The following PLPBP variants were observed in gnomAD, a reference collection of about 807,000 sequenced individuals.
The protein encoded by PLPBP is pyridoxal phosphate binding protein, also known as pyridoxal phosphate homeostasis protein.
In PLPBP, 21 loss-of-function variants were observed where a neutral mutation model predicts 31.2. That is an observed-to-expected ratio of 0.67 (90% CI 0.48 to 0.97). The LOEUF is 0.97. PLPBP is among the 50% of genes least tolerant of loss of function. PLPBP has a pLI of 0.00. For missense variants in PLPBP, 308 were observed against 354.4 expected (o/e 0.87, Z 1.05); for synonymous variants, 124 against 135.6 (o/e 0.91, Z 0.59).
chr8:37,773,809 A>G (rs2129804202), intron 5 of PLPBP, among the ~76,000 whole-genome samples: 1 of 152,226 alleles, frequency 6.6e-6, no homozygotes, highest in Non-Finnish European at 1.5e-5. Context: ...AAAGGTCACC[A>G]TCACTCCTAC....
In PLPBP at chr8:37,779,034, C is replaced by G. The variant is rs1205904877; in HGVS notation, c.*930C>G. On this transcript the variant is annotated 3_prime_UTR_variant, in exon 8 of 8. Coordinates refer to ENST00000328195, the MANE Select transcript of PLPBP (RefSeq NM_007198.4). ...TTAATATGCAGATAATACCCCCCAA[C>G]TTTTTTAGAGACAGCCTGTCTCTTA... The G allele has an allele frequency of 6.6e-6, 1 of 151,966 alleles. No homozygotes were observed. Among genetic ancestry groups the G allele is most frequent in the African/African-American group, 2.4e-5 (1 of 41,378 alleles). 9.4% of individuals were successfully genotyped at this position (151,966 alleles called of 1,614,324 possible).
chr8:37,775,768 C>T, intron 6 of PLPBP, 150 bp from the exon 7 acceptor site: 1 of 912,636 alleles, frequency 1.1e-6, no homozygotes, highest in Non-Finnish European at 1.7e-6. Flanking sequence ...GGATAGTTTG[C>T]AAAAAACCCT....
In PLPBP at chr8:37,765,744, AAAGT is replaced by A; in HGVS notation, c.243+4_243+7del. 6.2e-7 allele frequency: 1 copy of A among 1,611,510 alleles called. No homozygotes were observed. Among genetic ancestry groups the A allele is most frequent in the Non-Finnish European group, 8.5e-7 (1 of 1,179,410 alleles). On this transcript the variant is annotated splice_donor_variant and coding_sequence_variant, in exon 3 of 8. Transcript: ENST00000328195. LOFTEE classifies it high-confidence loss of function. Reference sequence around the variant, plus strand: ...ACTGCTAGAAAAAGCATCAAATCCCAAAGTAAGTAGATAGCTGAATTCTTTAATT... The same window carrying A: ...ACTGCTAGAAAAAGCATCAAATCCCAAAGTAGATAGCTGAATTCTTTAATT...
chr8:37,765,411 T>C, intron 1 of PLPBP, 115 bp from the exon 2 acceptor site: 1 of 957,794 alleles, frequency 1.0e-6, no homozygotes, highest in East Asian at 2.4e-5. Flanking sequence ...AAAATGGATC[T>C]TACCTAATGC....
At chr8:37,777,560 G>A (rs181425983) in intron 7 of PLPBP, among the ~76,000 whole-genome samples, 33 of 152,122 alleles carry the variant, frequency 2.2e-4, no homozygotes, top group African/African-American at 7.2e-4. Flanking sequence ...ATTCATAGAA[G>A]GCTCTGTTTT....
At chr8:37,765,891 C>T (rs1803614203) in intron 3 of PLPBP, 145 bp downstream of exon 3, 5 of 858,948 alleles carry the variant, frequency 5.8e-6, no homozygotes, top group Non-Finnish European at 9.1e-6. Context: ...TCAGCTTCCT[C>T]CTTGAGCCCC....
At chr8:37,776,478 CAAAAA>C (rs915875297) in intron 7 of PLPBP, among the ~76,000 whole-genome samples, 7 of 10,636 alleles carry the variant, frequency 6.6e-4, no homozygotes, top group African/African-American at 1.1e-3. Context: ...GACTCCATCT[CAAAAA>C]AAAAAAAAAA....
At chr8:37,772,339 C>A (rs1262805495) in intron 4 of PLPBP, among the ~76,000 whole-genome samples, 1 of 152,178 alleles carries the variant, frequency 6.6e-6, no homozygotes, top group East Asian at 1.9e-4. Context: ...ATACCCTCAT[C>A]CCAGAAAGTT....
chr8:37,774,104 G>T lies in PLPBP; in HGVS notation c.454+1215G>T, dbSNP rs184680575. Among the ~76,000 whole-genome samples the T allele has an allele frequency of 1.9e-3, 293 of 152,136 alleles. 1 individual carries two copies. The highest frequency in any genetic ancestry group is 6.8e-3 in the African/African-American group (283 of 41,504). ...TGTGCACCCATAGCCCCAGCTGCTC[G>T]GGATGCTGAGGCAGGAGGATCCCTC... On this transcript the variant is annotated intron_variant, in intron 5 of 7. Transcript: ENST00000328195.
intron 7 of PLPBP, among the ~76,000 whole-genome samples, chr8:37,777,573 TTTTTTTTTG>T (rs1221064597): frequency 6.7e-6 from 1 of 149,560 alleles, no homozygotes; most frequent in Non-Finnish European, 1.5e-5. Context: ...TCTGTTTTTG[TTTTTTTTTG>T]TTTTTTTTGA....
At chr8:37,775,765 T>G (rs1803885618) in intron 6 of PLPBP, among the ~76,000 whole-genome samples, 153 bp from the exon 7 acceptor site, 1 of 152,182 alleles carries the variant, frequency 6.6e-6, no homozygotes, top group African/African-American at 2.4e-5. Flanking sequence ...GTGGGATAGT[T>G]TGCAAAAAAC....
intron 1 of PLPBP, among the ~76,000 whole-genome samples, chr8:37,763,156 G>GTGGCAGCGTCTCAC (rs1317904557): frequency 4.6e-5 from 7 of 152,138 alleles, no homozygotes; most frequent in African/African-American, 1.7e-4. Context: ...GATCGCGTGT[G>GTGGCAGCGTCTCAC]TGGCAGCGTC....
At chr8:37,763,837 T>C (rs544674058) in intron 1 of PLPBP, among the ~76,000 whole-genome samples, 1 of 152,338 alleles carries the variant, frequency 6.6e-6, no homozygotes, top group East Asian at 1.9e-4. Flanking sequence ...GTCACGTCCT[T>C]GAGAACACTG....
In PLPBP at chr8:37,762,654, C is replaced by T. The variant is rs1026567217; in HGVS notation, c.-6C>T. The T allele has an allele frequency of 1.3e-5, 21 of 1,574,054 alleles. No homozygotes were observed. Among genetic ancestry groups the T allele is most frequent in the Non-Finnish European group, 1.7e-5 (20 of 1,163,928 alleles). ...GGGCCTGGGGCTCGGCGTCGGTCCC[C>T]GGGGGATGTGGAGAGCTGGCAGCAT... is the stretch of plus-strand genomic sequence containing the variant. On this transcript the variant is annotated 5_prime_UTR_variant, in exon 1 of 8. Transcript: ENST00000328195.
intron 1 of PLPBP, among the ~76,000 whole-genome samples, 188 bp downstream of exon 1, chr8:37,762,946 C>A (rs544751221): frequency 2.0e-5 from 3 of 152,186 alleles, no homozygotes; most frequent in Non-Finnish European, 4.4e-5. Context: ...GTTAGGTTTT[C>A]TGGAGATTGG....
At position 37,762,694 on chromosome 8, in the gene PLPBP, G is replaced by A. The variant is rs754836644; in HGVS notation, c.35G>A (p.Gly12Glu). 6.3e-7 allele frequency: 1 copy of A among 1,590,942 alleles called. No individual in the cohort carries two copies. Among genetic ancestry groups the A allele is most frequent in the Non-Finnish European group, 8.5e-7 (1 of 1,172,598 alleles). The change falls in exon 1 of 8, where the codon GGA (glycine) becomes GAA (glutamate). Residue 12 changes from glycine (G) to glutamate (E), a missense_variant. By Grantham distance (98) the Gly-to-Glu change is moderately conservative (BLOSUM62 -2). Around this residue, in one of 2 missense-constraint regions of PLPBP, gnomAD observed 120 missense variants for 95.1 expected, o/e 1.26. Transcript: ENST00000328195. ...GCTGGCAGCATGTCGGCCGAGCTGGGAGTCGGGTGCGCATTGCGGGCGGTG... is the reference window on the plus strand; with the variant it reads ...GCTGGCAGCATGTCGGCCGAGCTGGAAGTCGGGTGCGCATTGCGGGCGGTG... Reference protein sequence around the residue: ...WRAGSMSAELGVGCALRAVNE... With the variant: ...WRAGSMSAELEVGCALRAVNE...
In PLPBP at chr8:37,765,758, G is replaced by A. The variant is rs774509060; in HGVS notation, c.243+12G>A. On this transcript the variant is annotated intron_variant, in intron 3 of 7. Transcript: ENST00000328195. ...CATCAAATCCCAAAGTAAGTAGATA[G>A]CTGAATTCTTTAATTTGTATCTAAA... The A allele has an allele frequency of 1.2e-6, 2 of 1,606,574 alleles. No individual in the cohort carries two copies. The highest frequency in any genetic ancestry group is 1.7e-5 in the Admixed American group (1 of 57,190).
intron 5 of PLPBP, 55 bp from the exon 6 acceptor site, chr8:37,775,284 T>G (rs1470931362): frequency 1.2e-6 from 2 of 1,602,194 alleles, no homozygotes; most frequent in South Asian, 2.2e-5. Flanking sequence ...AAATGGAGCC[T>G]TCCTCTGGCC....
intron 4 of PLPBP, among the ~76,000 whole-genome samples, chr8:37,771,725 GC>G (rs1198033304): frequency 6.6e-6 from 1 of 152,108 alleles, no homozygotes; most frequent in East Asian, 1.9e-4. Context: ...ACTTTGGGAG[GC>G]CAAGGCCAGC....
Sources: gnomAD v4.1 joint callset for allele counts (sites outside exome capture counted in the v4.1 genomes callset) on GRCh38, gnomAD v4.1.1 for gene constraint, gnomAD v4.1.1 regional missense constraint, MANE v1.5 for transcripts, NCBI Gene and HGNC (gene_info 2026-07-23, HGNC 2026-07-21) for gene names.